The following CSMD3 variants were observed in gnomAD, a reference collection of about 807,000 sequenced individuals.
The protein encoded by CSMD3 is CUB and sushi domain-containing protein 3.
CSMD3 carries 177 observed loss-of-function variants against 435.2 expected under a neutral mutation model. The ratio of observed to expected loss-of-function variants is 0.41; its 90% confidence interval spans 0.36 to 0.46. The LOEUF (loss-of-function observed/expected upper bound fraction) is 0.46. Among genes scored for constraint, CSMD3 ranks in the 20% least tolerant of loss-of-function variants. The probability of loss-of-function intolerance (pLI) is 0.34; values close to 1 mark genes in which losing one functional copy is unlikely to be tolerated. For missense variants in CSMD3, 4,265 were observed against 4,504.6 expected, an observed-to-expected ratio of 0.95 and a Z score of 1.52; for synonymous variants, 1,656 against 1,520.5, an observed-to-expected ratio of 1.09 and a Z score of -2.07.
At chr8:112,273,723 C>CT (rs1329893490) in intron 59 of CSMD3, among the ~76,000 whole-genome samples, 2 of 55,440 alleles carry the variant, frequency 3.6e-5, no homozygotes, top group African/African-American at 1.4e-4. Flanking sequence ...GAGACTCTGT[C>CT]TCAAAAAAAA....
intron 3 of CSMD3, among the ~76,000 whole-genome samples, chr8:113,195,144 T>A (rs1224596485): frequency 6.6e-6 from 1 of 151,128 alleles, no homozygotes; most frequent in African/African-American, 2.4e-5. Flanking sequence ...GTGATTGAGC[T>A]ATTTTTTTCC....
intron 59 of CSMD3, among the ~76,000 whole-genome samples, chr8:112,279,037 C>G (rs1818371002): frequency 6.6e-6 from 1 of 151,718 alleles, no homozygotes; most frequent in Admixed American, 6.6e-5. Flanking sequence ...ACAACAACAA[C>G]AACAACAACA....
At chr8:112,503,123 C>T (rs1050858215) in intron 30 of CSMD3, among the ~76,000 whole-genome samples, 1 of 152,128 alleles carries the variant, frequency 6.6e-6, no homozygotes, top group African/African-American at 2.4e-5. Context: ...TCTTGCTCTC[C>T]CAGGCTGGCC....
rs146832171 is a variant in CSMD3, at chr8:113,126,422, A to T, written c.710-27459T>A. ...ATATATATATGTGAAAATTATATTG[A>T]TGTATATAGTTGAAAATATATAAAG... is the stretch of plus-strand genomic sequence containing the variant. On this transcript the variant is annotated intron_variant, in intron 4 of 70. Transcript: ENST00000297405. Among the ~76,000 whole-genome samples, 898 of 152,102 alleles carry T rather than the reference A, an allele frequency of 5.9e-3. 4 individuals are homozygous for T. Among genetic ancestry groups the T allele is most frequent in the African/African-American group, 0.019 (798 of 41,554 alleles).
chr8:112,579,478 C>T (rs979209678), intron 23 of CSMD3, among the ~76,000 whole-genome samples: 2 of 151,836 alleles, frequency 1.3e-5, no homozygotes, highest in Non-Finnish European at 1.5e-5. Flanking sequence ...TAAATAACCT[C>T]AAAAGCACAG....
At chr8:112,525,613 T>C (rs981377451) in intron 27 of CSMD3, among the ~76,000 whole-genome samples, 16 of 148,604 alleles carry the variant, frequency 1.1e-4, no homozygotes, top group African/African-American at 3.9e-4. Flanking sequence ...CCCAGCTACT[T>C]GGGAGGCTGA....
chr8:112,265,715 A>G, intron 59 of CSMD3, 125 bp from the exon 60 acceptor site: 1 of 755,058 alleles, frequency 1.3e-6, no homozygotes, highest in Non-Finnish European at 2.4e-6. Context: ...ATTTTTAATC[A>G]TAAAACATAA....
intron 42 of CSMD3, among the ~76,000 whole-genome samples, chr8:112,340,330 T>C (rs1239305421): frequency 6.6e-6 from 1 of 152,222 alleles, no homozygotes; most frequent in East Asian, 1.9e-4. Flanking sequence ...AAAGTGATTA[T>C]GTGTAATGTA....
intron 11 of CSMD3, among the ~76,000 whole-genome samples, chr8:112,858,331 T>TA (rs1457611900): frequency 6.6e-6 from 1 of 151,470 alleles, no homozygotes; most frequent in Non-Finnish European, 1.5e-5. Context: ...TTAAATAACT[T>TA]AAAGTTATCT....
intron 5 of CSMD3, among the ~76,000 whole-genome samples, chr8:113,068,681 C>G (rs2088967957): frequency 6.6e-6 from 1 of 152,056 alleles, no homozygotes; most frequent in African/African-American, 2.4e-5. Flanking sequence ...AGAAAAGCTC[C>G]CTATTATACC....
chr8:112,528,966 G>GGGA (rs1825256646), intron 27 of CSMD3, among the ~76,000 whole-genome samples: 2 of 152,034 alleles, frequency 1.3e-5, no homozygotes, highest in Non-Finnish European at 2.9e-5. Flanking sequence ...AACAGAGATG[G>GGGA]AAGCTAGGGG....
chr8:113,172,774 A>G (rs776070795), intron 4 of CSMD3, among the ~76,000 whole-genome samples: 2 of 152,188 alleles, frequency 1.3e-5, no homozygotes, highest in Non-Finnish European at 2.9e-5. Flanking sequence ...GCAGTTGGAC[A>G]TTCCCACATC....
rs150535223 is a variant in CSMD3, at chr8:113,081,172, A to G, written c.917+17584T>C. Reference sequence around the variant, plus strand: ...AGGCTCCTAAAGATGCCATAACAAAATATCACAAATTGGGTGGCTTTAAAT... The same window carrying G: ...AGGCTCCTAAAGATGCCATAACAAAGTATCACAAATTGGGTGGCTTTAAAT... On this transcript the variant is annotated intron_variant, in intron 5 of 70. Coordinates refer to ENST00000297405, the MANE Select transcript of CSMD3 (RefSeq NM_198123.2). Among the ~76,000 whole-genome samples, 428 of 152,332 alleles carry G rather than the reference A, an allele frequency of 2.8e-3. 2 individuals carry two copies. The highest frequency in any genetic ancestry group is 9.6e-3 in the African/African-American group (398 of 41,578).
intron 68 of CSMD3, among the ~76,000 whole-genome samples, chr8:112,233,575 G>C (rs945132000): frequency 6.6e-6 from 1 of 152,032 alleles, no homozygotes. Flanking sequence ...TAGATGGTAG[G>C]CTTCTTGAAC....
intron 13 of CSMD3, among the ~76,000 whole-genome samples, chr8:112,729,640 T>C (rs573473098): frequency 3.9e-4 from 60 of 152,198 alleles, no homozygotes; most frequent in African/African-American, 1.3e-3. Flanking sequence ...AATGACATCA[T>C]GTGTCCACAA....
intron 32 of CSMD3, among the ~76,000 whole-genome samples, chr8:112,409,805 A>G (rs1832177044): frequency 6.6e-6 from 1 of 151,970 alleles, no homozygotes; most frequent in African/African-American, 2.4e-5. Flanking sequence ...CTAAAACTAT[A>G]AAGAACCTGT....
rs146941415 is a variant in CSMD3 at position 112,986,956 on chromosome 8, C to A, written c.1031-10808G>T. Among the ~76,000 whole-genome samples, 1,263 of 151,956 alleles carry A rather than the reference C, an allele frequency of 8.3e-3. 16 individuals are homozygous for A. The highest frequency in any genetic ancestry group is 0.029 in the African/African-American group (1,183 of 41,482). On this transcript the variant is annotated intron_variant, in intron 6 of 70. Coordinates refer to ENST00000297405, the MANE Select transcript of CSMD3 (RefSeq NM_198123.2). ...ATATAGATAGTTTCTATGAGTTTCC[C>A]TCATCTTCCTCTAGCATATATGAGA...
intron 43 of CSMD3, among the ~76,000 whole-genome samples, chr8:112,337,213 T>G (rs150238960): frequency 2.4e-4 from 36 of 152,270 alleles, no homozygotes; most frequent in African/African-American, 8.2e-4. Context: ...GGAAAGGAAC[T>G]CAGTAGCAGT....
chr8:112,631,026 C>T (rs2074500239), intron 22 of CSMD3, among the ~76,000 whole-genome samples: 1 of 151,064 alleles, frequency 6.6e-6, no homozygotes, highest in Non-Finnish European at 1.5e-5. Flanking sequence ...AATATTTCCT[C>T]TTAATAATAA....
Sources: gnomAD v4.1 joint callset for allele counts (sites outside exome capture counted in the v4.1 genomes callset) on GRCh38, gnomAD v4.1.1 for gene constraint, MANE v1.5 for transcripts, NCBI Gene and HGNC (gene_info 2026-07-23, HGNC 2026-07-21) for gene names.